EPHA6: variants seen among roughly 807,000 people sequenced by gnomAD.
EPHA6 encodes EPH receptor A6.
A neutral mutation model predicts 112.0 loss-of-function variants in EPHA6; 50 were observed. The observed-to-expected ratio is 0.45, with a 90% CI of 0.36 to 0.56. The LOEUF (loss-of-function observed/expected upper bound fraction) is 0.56, where lower values mean the gene tolerates loss of function less well. Ranked by LOEUF, EPHA6 falls within the 20% of genes least tolerant of loss-of-function variation. EPHA6 has a pLI of 0.00. For missense variants in EPHA6, 1,280 were observed against 1,417.4 expected, an observed-to-expected ratio of 0.90 and a Z score of 1.56; for synonymous variants, 529 against 490.7, an observed-to-expected ratio of 1.08 and a Z score of -1.03.
chr3:97,606,376 G>A (rs1017315250), intron 12 of EPHA6: 1 of 151,348 alleles, frequency 6.6e-6, no homozygotes, highest in Non-Finnish European at 1.5e-5. Flanking sequence ...GCAAGAGAAA[G>A]CAAAGGCAGA....
chr3:97,325,620 A>G (rs1384478768), intron 5 of EPHA6, among the ~76,000 whole-genome samples: 1 of 151,982 alleles, frequency 6.6e-6, no homozygotes, highest in Non-Finnish European at 1.5e-5. Flanking sequence ...GGTGCATGAT[A>G]CTCACTCAGT....
At chr3:97,741,499 CCTA>C (rs2035503922) in intron 16 of EPHA6, among the ~76,000 whole-genome samples, 1 of 152,172 alleles carries the variant, frequency 6.6e-6, no homozygotes, top group Admixed American at 6.5e-5. Context: ...TTGTTGAGAG[CCTA>C]CTATGTGCCA....
chr3:96,966,548 A>G (rs916516783), intron 2 of EPHA6, among the ~76,000 whole-genome samples: 3 of 152,122 alleles, frequency 2.0e-5, no homozygotes, highest in Non-Finnish European at 4.4e-5. Flanking sequence ...TAGTTTAAGC[A>G]ATGTTTTTGT....
intron 11 of EPHA6, among the ~76,000 whole-genome samples, chr3:97,552,683 C>A (rs962052660): frequency 1.3e-5 from 2 of 152,142 alleles, no homozygotes; most frequent in African/African-American, 4.8e-5. Flanking sequence ...ATGGTAACCT[C>A]AGTGGTTAGC....
chr3:96,819,126 C>T lies in EPHA6; in HGVS notation c.385+4118C>T, dbSNP rs2033046145. ...TATACATAATCCTTAAGGAACTCTT[C>T]TTCAAACAAAAAATAACTTAAATGA... On this transcript the variant is annotated intron_variant, in intron 1 of 17. Coordinates refer to ENST00000389672, the MANE Select transcript of EPHA6 (RefSeq NM_001080448.3). Among the ~76,000 whole-genome samples the T allele has an allele frequency of 4.0e-5, 6 of 151,854 alleles. No individual in the cohort carries two copies. In the South Asian group the frequency reaches 1.0e-3, roughly 26 times the overall value.
chr3:96,825,728 G>A (rs1008815762), intron 1 of EPHA6, among the ~76,000 whole-genome samples: 2 of 151,838 alleles, frequency 1.3e-5, no homozygotes, highest in South Asian at 2.1e-4. Context: ...CAGATTACCC[G>A]TGATTAGCTG....
intron 2 of EPHA6, among the ~76,000 whole-genome samples, chr3:96,867,670 A>C (rs2107458454): frequency 6.6e-6 from 1 of 151,860 alleles, no homozygotes; most frequent in Middle Eastern, 3.4e-3. Context: ...TTTTTTCCTT[A>C]GAAATGGTAA....
chr3:97,489,230 T>A (rs13065356), intron 10 of EPHA6, among the ~76,000 whole-genome samples: 2 of 152,268 alleles, frequency 1.3e-5, no homozygotes, highest in African/African-American at 4.8e-5. Context: ...CTTTGTGATA[T>A]GAATATCTGC....
At position 97,247,758 on chromosome 3, in the gene EPHA6, C is replaced by T. The variant is rs555562432; in HGVS notation, c.1606+3471C>T. On this transcript the variant is annotated intron_variant, in intron 5 of 17. Coordinates refer to ENST00000389672, the MANE Select transcript of EPHA6 (RefSeq NM_001080448.3). ...TAGCTGAAACAAGTTAAAGAATCAG[C>T]CACTTGTCAGAAGATGCTGGAATTT... 2.0e-4 allele frequency among the ~76,000 whole-genome samples: 31 copies of T among 151,840 alleles called. 1 individual carries two copies. Among genetic ancestry groups the T allele is most frequent in the Middle Eastern group, 3.4e-3 (1 of 294 alleles).
intron 13 of EPHA6, 35 bp from the exon 14 acceptor site, chr3:97,637,838 A>G: frequency 6.5e-7 from 1 of 1,539,938 alleles, no homozygotes; most frequent in Non-Finnish European, 9.0e-7. Context: ...CTGCATTAAA[A>G]TAAATCAATT....
intron 1 of EPHA6, among the ~76,000 whole-genome samples, chr3:96,816,848 A>G (rs1238820924): frequency 6.6e-6 from 1 of 152,046 alleles, no homozygotes; most frequent in African/African-American, 2.4e-5. Flanking sequence ...TCGAGATGTT[A>G]TTTATTAACC....
intron 3 of EPHA6, among the ~76,000 whole-genome samples, chr3:97,094,189 T>C (rs79886938): frequency 0.016 from 2,405 of 152,290 alleles, 74 homozygotes; most frequent in African/African-American, 0.055. Flanking sequence ...ACATGTGTTA[T>C]GTTGATTATG....
intron 12 of EPHA6, among the ~76,000 whole-genome samples, chr3:97,593,067 T>C (rs948388457): frequency 3.9e-5 from 6 of 152,136 alleles, no homozygotes; most frequent in Non-Finnish European, 5.9e-5. Context: ...CCACTTGGAA[T>C]TGGCCAGAAA....
intron 5 of EPHA6, among the ~76,000 whole-genome samples, chr3:97,299,275 C>A (rs1479550784): frequency 6.7e-6 from 1 of 150,182 alleles, no homozygotes; most frequent in Non-Finnish European, 1.5e-5. Flanking sequence ...ATTTTTAGAC[C>A]CCATCATTTT....
At chr3:97,627,504 T>G (rs2093868416) in intron 13 of EPHA6, among the ~76,000 whole-genome samples, 1 of 151,842 alleles carries the variant, frequency 6.6e-6, no homozygotes, top group Admixed American at 6.6e-5. Context: ...TAATAGCAAG[T>G]GCCAGTTCTC....
intron 3 of EPHA6, among the ~76,000 whole-genome samples, chr3:97,002,944 T>C (rs2043723069): frequency 1.3e-5 from 2 of 152,052 alleles, no homozygotes; most frequent in Admixed American, 1.3e-4. Context: ...AGTTTAAAAA[T>C]AGACTAAATT....
intron 5 of EPHA6, among the ~76,000 whole-genome samples, chr3:97,269,339 T>A (rs1229537258): frequency 1.3e-5 from 2 of 152,214 alleles, no homozygotes; most frequent in East Asian, 3.8e-4. Context: ...GGTATCCATT[T>A]CTTGATGGCT....
intron 1 of EPHA6, among the ~76,000 whole-genome samples, chr3:96,815,258 G>A (rs1011554488): frequency 1.3e-5 from 2 of 152,082 alleles, no homozygotes; most frequent in African/African-American, 4.8e-5. Context: ...AGCTGCAGTT[G>A]GGTCCCACCG....
intron 5 of EPHA6, among the ~76,000 whole-genome samples, chr3:97,390,861 G>A (rs1038131401): frequency 6.6e-6 from 1 of 151,914 alleles, no homozygotes; most frequent in Non-Finnish European, 1.5e-5. Flanking sequence ...TGATACTGGG[G>A]CATTTTCAAC....
Sources: gnomAD v4.1 joint callset for allele counts (sites outside exome capture counted in the v4.1 genomes callset) on GRCh38, gnomAD v4.1.1 for gene constraint, MANE v1.5 for transcripts, NCBI Gene and HGNC (gene_info 2026-07-23, HGNC 2026-07-21) for gene names.